The following RREB1 variants were observed in gnomAD, a reference collection of about 807,000 sequenced individuals.
RREB1 encodes the protein ras responsive element binding protein 1, also known as ras-responsive element-binding protein 1.
RREB1 carries 27 observed loss-of-function variants against 117.8 expected under a neutral mutation model. The ratio of observed to expected loss-of-function variants is 0.23; its 90% CI spans 0.17 to 0.32. The LOEUF (loss-of-function observed/expected upper bound fraction) is 0.32, where lower values mean the gene tolerates loss of function less well. RREB1 is among the 10% of genes least tolerant of loss of function. The pLI, the probability that RREB1 is intolerant of heterozygous loss-of-function variation, is 1.00. For missense variants in RREB1, 2,577 were observed against 2,378.2 expected, an observed-to-expected ratio of 1.08 and a Z score of -1.74; for synonymous variants, 1,298 against 1,026.7, an observed-to-expected ratio of 1.26 and a Z score of -5.05.
At chr6:7,144,180 T>C (rs1213791616) in intron 1 of RREB1, among the ~76,000 whole-genome samples, 1 of 152,148 alleles carries the variant, frequency 6.6e-6, no homozygotes, top group Admixed American at 6.5e-5. Context: ...TTTTGAGCTT[T>C]ATGCACAAAT....
At chr6:7,154,387 C>T (rs1763262539) in intron 1 of RREB1, among the ~76,000 whole-genome samples, 1 of 152,148 alleles carries the variant, frequency 6.6e-6, no homozygotes, top group Admixed American at 6.5e-5. Context: ...AAAATGACTG[C>T]CCAGTGGGAG....
intron 1 of RREB1, among the ~76,000 whole-genome samples, chr6:7,147,320 C>T (rs1221989213): frequency 6.6e-6 from 1 of 152,200 alleles, no homozygotes; most frequent in Non-Finnish European, 1.5e-5. Context: ...TACTGCATTT[C>T]AGCTTGGAGT....
chr6:7,202,935 T>G (rs767046597), intron 6 of RREB1, among the ~76,000 whole-genome samples: 27 of 152,192 alleles, frequency 1.8e-4, no homozygotes, highest in Non-Finnish European at 4.0e-4. Flanking sequence ...TCTGACTTTG[T>G]ATGGACATAT....
chr6:7,182,149 C>T (rs1379609443), intron 4 of RREB1, 67 bp downstream of exon 4: 21 of 1,372,762 alleles, frequency 1.5e-5, no homozygotes, highest in African/African-American at 5.8e-5. Flanking sequence ...GAGATGTTTC[C>T]GAGTTTCCTA....
rs563340120 is a variant in RREB1, at chr6:7,193,710, C to T, written c.425+4388C>T. 1.6e-3 allele frequency among the ~76,000 whole-genome samples: 243 copies of T among 152,256 alleles called. 1 individual carries two copies. Among genetic ancestry groups the T allele is most frequent in the African/African-American group, 5.5e-3 (227 of 41,548 alleles). ...ACAAAATTTATATATGTTTCATATA[C>T]ACCTTATACACATAGCCTGAACATA... On this transcript the variant is annotated intron_variant, in intron 6 of 12. Coordinates refer to ENST00000379938, the MANE Select transcript of RREB1 (RefSeq NM_001003699.4).
chr6:7,175,880 T>C (rs1764477287), intron 1 of RREB1, among the ~76,000 whole-genome samples: 1 of 152,236 alleles, frequency 6.6e-6, no homozygotes, highest in African/African-American at 2.4e-5. Context: ...GATGTAATCA[T>C]CTCTCCTCTA....
At chr6:7,248,301 G>A (rs1333223031) in intron 12 of RREB1, among the ~76,000 whole-genome samples, 3 of 152,202 alleles carry the variant, frequency 2.0e-5, no homozygotes, top group Non-Finnish European at 2.9e-5. Flanking sequence ...AGAGGAAGGA[G>A]AGGAAAGGTC....
chr6:7,163,658 T>G (rs1763777295), intron 1 of RREB1, among the ~76,000 whole-genome samples: 1 of 152,190 alleles, frequency 6.6e-6, no homozygotes, highest in Non-Finnish European at 1.5e-5. Flanking sequence ...CCTCCCAAAG[T>G]GCTGGGATTA....
intron 10 of RREB1, among the ~76,000 whole-genome samples, chr6:7,239,417 C>A (rs1768549368): frequency 1.3e-5 from 2 of 152,226 alleles, no homozygotes; most frequent in South Asian, 4.1e-4. Context: ...CTCTCTTTTC[C>A]TCTCCACCTC....
chr6:7,157,299 T>TG (rs1403500519), intron 1 of RREB1, among the ~76,000 whole-genome samples: 3 of 151,744 alleles, frequency 2.0e-5, no homozygotes, highest in Non-Finnish European at 4.4e-5. Flanking sequence ...CCAGGTGTGG[T>TG]GGGGCGTGCC....
chr6:7,185,569 A>T (rs577824361), intron 4 of RREB1, among the ~76,000 whole-genome samples: 1 of 144,400 alleles, frequency 6.9e-6, no homozygotes, highest in Admixed American at 6.9e-5. Flanking sequence ...GACTCCATTT[A>T]AAAAAAAAAA....
rs548303144 is a variant in RREB1 at position 7,235,389 on chromosome 6, GAA to G, written c.3808+3487_3808+3488del. 2.0e-4 allele frequency among the ~76,000 whole-genome samples: 30 copies of G among 152,192 alleles called. 1 individual carries two copies. The South Asian group carries it at 5.8e-3, about 29-fold the overall frequency. On this transcript the variant is annotated intron_variant, in intron 10 of 12. Transcript: ENST00000379938. ...TGTGAGGCGCTGTCTCCAAAACTTT[GAA>G]AAAAGTCTTGAGTGTACACATGTTA... is the stretch of plus-strand genomic sequence containing the variant.
At chr6:7,156,819 C>G (rs920366999) in intron 1 of RREB1, among the ~76,000 whole-genome samples, 1 of 152,206 alleles carries the variant, frequency 6.6e-6, no homozygotes, top group Non-Finnish European at 1.5e-5. Context: ...GCGTAGGAAA[C>G]AGGATGCTGT....
At chr6:7,221,554 G>C (rs535194811) in intron 8 of RREB1, among the ~76,000 whole-genome samples, 1 of 152,324 alleles carries the variant, frequency 6.6e-6, no homozygotes, top group African/African-American at 2.4e-5. Context: ...TTTCTTCTCT[G>C]CCACTTTCAT....
rs1766606491 is a variant in RREB1, at chr6:7,211,580, A to G, written c.578A>G (p.Glu193Gly). ...EDPAPAKKMVEDGQSGDLEKK... is the reference protein window; with the variant it reads ...EDPAPAKKMVGDGQSGDLEKK... ...TTTTTCCTTTTCCCTCAGATGGTAG[A>G]AGACGGGCAGTCAGGTGACTTGGAG... The change falls in exon 8 of 13, where the codon GAA becomes GGA. Residue 193 changes from glutamate to glycine, a missense_variant. Coordinates refer to ENST00000379938, the MANE Select transcript of RREB1 (RefSeq NM_001003699.4). The G allele has an allele frequency of 6.2e-7, 1 of 1,614,016 alleles. No homozygotes were observed. The highest frequency in any genetic ancestry group is 1.7e-5 in the Admixed American group (1 of 60,008).
intron 9 of RREB1, among the ~76,000 whole-genome samples, chr6:7,226,993 C>T (rs968032744): frequency 6.6e-6 from 1 of 152,202 alleles, no homozygotes; most frequent in Non-Finnish European, 1.5e-5. Context: ...GTAACGCCAG[C>T]ACTTTGTGAG....
intron 1 of RREB1, among the ~76,000 whole-genome samples, chr6:7,127,081 A>G (rs976112894): frequency 6.6e-6 from 1 of 152,194 alleles, no homozygotes; most frequent in Non-Finnish European, 1.5e-5. Flanking sequence ...AGTTGAGGAC[A>G]GGGTAGGGCA....
In RREB1 at chr6:7,231,700, G is replaced by A; in HGVS notation, c.3601G>A (p.Glu1201Lys). Residue 1201 changes from glutamate (E) to lysine (K), a missense_variant, in exon 10 of 13, where the codon GAG becomes AAG. By Grantham distance (56) the Glu-to-Lys change is moderately conservative. Transcript: ENST00000379938. ...GTTCAGTCCGTTTCTGCAGACAGCG[G>A]AGGACAACACTCAGGATGAGGTGGC... Reference protein sequence around the residue: ...NKFSPFLQTAEDNTQDEVAGA... With the variant: ...NKFSPFLQTAKDNTQDEVAGA... 3 of 1,613,314 alleles carry A rather than the reference G, an allele frequency of 1.9e-6. No homozygotes were observed. The highest frequency in any genetic ancestry group is 2.5e-6 in the Non-Finnish European group (3 of 1,179,618).
chr6:7,126,062 C>T (rs1304544129), intron 1 of RREB1, among the ~76,000 whole-genome samples: 93 of 152,270 alleles, frequency 6.1e-4, no homozygotes, highest in African/African-American at 2.0e-3. Context: ...AGTGCAGTGG[C>T]ACGATCTCGG....
Sources: allele counts gnomAD v4.1 joint callset (sites outside exome capture counted in the v4.1 genomes callset), GRCh38; gene constraint gnomAD v4.1.1; transcripts MANE v1.5; gene names NCBI Gene and HGNC (gene_info 2026-07-23, HGNC 2026-07-21).